TASOR2: variants seen among roughly 807,000 people sequenced by gnomAD.
The protein encoded by TASOR2 is transcription activation suppressor family member 2, also known as protein TASOR 2.
In TASOR2, 84 loss-of-function variants were observed where a neutral mutation model predicts 199.5. That is an observed-to-expected ratio of 0.42 (90% confidence interval 0.35 to 0.50). The LOEUF (loss-of-function observed/expected upper bound fraction) is 0.50. Among genes scored for constraint, TASOR2 ranks in the 20% least tolerant of loss-of-function variants. TASOR2 has a pLI of 0.02. For synonymous variants in TASOR2, 1,103 were observed against 1,046.6 expected (o/e 1.05, Z -1.04); for missense variants, 2,796 against 2,835.9 (o/e 0.99, Z 0.32).
At chr10:5,757,554 G>T in exon 17 of TASOR2, 1 of 1,611,232 alleles carries the variant, frequency 6.2e-7, no homozygotes, top group Middle Eastern at 1.7e-4. Flanking sequence ...CATTTCCCCA[G>T]TGTCATCTTT....
At chr10:5,728,610 A>C (rs1169620070) in intron 10 of TASOR2, among the ~76,000 whole-genome samples, 1 of 152,044 alleles carries the variant, frequency 6.6e-6, no homozygotes, top group Non-Finnish European at 1.5e-5. Context: ...ATTCTGTCTC[A>C]AAAAAATTAA....
intron 1 of TASOR2, among the ~76,000 whole-genome samples, chr10:5,694,286 C>G (rs1374522186): frequency 6.6e-6 from 1 of 152,074 alleles, no homozygotes; most frequent in Non-Finnish European, 1.5e-5. Flanking sequence ...GTTTTGTGTT[C>G]TGAGGGCAGT....
In TASOR2 at chr10:5,748,195, G is replaced by A; in HGVS notation, c.4774G>A (p.Val1592Ile). 13 of 1,614,190 alleles carry A rather than the reference G, an allele frequency of 8.1e-6. No homozygotes were observed. The highest frequency in any genetic ancestry group is 1.1e-5 in the Non-Finnish European group (13 of 1,180,040). Residue 1592 changes from valine (V) to isoleucine (I), a missense_variant, in exon 15 of 21, where the codon GTT becomes ATT. Transcript: ENST00000328090. The surrounding 1 kb of genome is among the most constrained non-coding windows in gnomAD (Gnocchi z 5.1). ...AAATAAGTCTTTGTCTGACACATTGGTTTCCACAACTGCACCAAGTGGTAT... is the reference window on the plus strand; with the variant it reads ...AAATAAGTCTTTGTCTGACACATTGATTTCCACAACTGCACCAAGTGGTAT...
rs188522083 is a variant in TASOR2 at position 5,751,586 on chromosome 10, G to A, written c.6606+1559G>A. ...TTTTGACAATTCGCCATAATTCTTC[G>A]GGCACTTCTTTACTTTGGGGTGTAA... On this transcript the variant is annotated intron_variant, in intron 15 of 20. Transcript: ENST00000328090. The surrounding 1 kb of genome is among the most constrained non-coding windows in gnomAD (Gnocchi z 5.3). 3.2e-3 allele frequency among the ~76,000 whole-genome samples: 487 copies of A among 152,166 alleles called. 2 individuals are homozygous for A. The highest frequency in any genetic ancestry group is 5.9e-3 in the Non-Finnish European group (400 of 68,008).
rs1201023575 is a variant in TASOR2, at chr10:5,750,999, C to T, written c.6606+972C>T. 2.0e-5 allele frequency among the ~76,000 whole-genome samples: 3 copies of T among 152,182 alleles called. No individual in the cohort carries two copies. The highest frequency in any genetic ancestry group is 7.2e-5 in the African/African-American group (3 of 41,432). ...GCCAGTTATTTGGTGGAATTTCCTT[C>T]CGTTTGTGTTCATGTGTTGTTTCTC... On this transcript the variant is annotated intron_variant, in intron 15 of 20. Transcript: ENST00000328090. This position sits in a 1 kb window ranked among gnomAD's most constrained non-coding sequence, Gnocchi z 5.4.
At chr10:5,693,811 GATA>G (rs1192647972) in intron 1 of TASOR2, among the ~76,000 whole-genome samples, 1 of 152,210 alleles carries the variant, frequency 6.6e-6, no homozygotes, top group African/African-American at 2.4e-5. Context: ...CCCATCCAAA[GATA>G]ACTTCATAGA....
chr10:5,736,182 A>G (rs1398190907), intron 12 of TASOR2, among the ~76,000 whole-genome samples: 3 of 152,048 alleles, frequency 2.0e-5, no homozygotes, highest in Non-Finnish European at 2.9e-5. Flanking sequence ...GCACTTTGTG[A>G]GGCCGAGGTG....
chr10:5,711,839 A>G (rs569054728), intron 1 of TASOR2, among the ~76,000 whole-genome samples: 26 of 152,130 alleles, frequency 1.7e-4, no homozygotes, highest in Non-Finnish European at 3.4e-4. Context: ...GTAAAACTCA[A>G]TAGACTCTTC....
At chr10:5,731,124 T>A in exon 11 of TASOR2, 1 of 1,612,936 alleles carries the variant, frequency 6.2e-7, no homozygotes, top group Non-Finnish European at 8.5e-7. Context: ...AAAGAACTGC[T>A]TCCAGAGCAG....
At chr10:5,726,008 A>T (rs1162123567) in intron 8 of TASOR2, among the ~76,000 whole-genome samples, 2 of 152,244 alleles carry the variant, frequency 1.3e-5, no homozygotes, top group Non-Finnish European at 2.9e-5. Context: ...CATTGTGATT[A>T]AATAATATAT....
exon 19 of TASOR2, chr10:5,761,434 T>C (rs1472092482): frequency 1.2e-6 from 2 of 1,613,362 alleles, no homozygotes. Context: ...ACCTGCAAAT[T>C]CAGCATATTG....
rs143599601 is a variant in TASOR2, at chr10:5,700,272, AT to A, written c.-287-12541del. ...GTGTTGCTGAAAATAGCAGGATTTT[AT>A]TTTTTTTTTATGGCTGAATAATATT... On this transcript the variant is annotated intron_variant, in intron 1 of 20. Coordinates refer to ENST00000328090, the Ensembl canonical transcript of TASOR2. Among the ~76,000 whole-genome samples the A allele has an allele frequency of 1.9e-3, 276 of 149,052 alleles. 1 individual carries two copies. Among genetic ancestry groups the A allele is most frequent in the African/African-American group, 5.4e-3 (220 of 40,748 alleles).
chr10:5,716,342 A>G (rs1020823313), intron 2 of TASOR2, among the ~76,000 whole-genome samples: 1 of 152,158 alleles, frequency 6.6e-6, no homozygotes, highest in Admixed American at 6.5e-5. Context: ...TACATGTACA[A>G]GTTTTTGGGT....
chr10:5,738,958 G>A lies in TASOR2; in HGVS notation c.1448-660G>A, dbSNP rs1187637333. ...TTGCTCTTTCTTGGATAATGTAAAA[G>A]GTCAATGTTTTTGGTAATGAAAGTA... On this transcript the variant is annotated intron_variant, in intron 12 of 20. Coordinates refer to ENST00000328090, the Ensembl canonical transcript of TASOR2. This position sits in a 1 kb window ranked among gnomAD's most constrained non-coding sequence, Gnocchi z 4.7. 1.3e-5 allele frequency among the ~76,000 whole-genome samples: 2 copies of A among 152,120 alleles called. No individual in the cohort carries two copies. The highest frequency in any genetic ancestry group is 2.9e-5 in the Non-Finnish European group (2 of 68,028).
intron 18 of TASOR2, among the ~76,000 whole-genome samples, chr10:5,760,204 G>C (rs548764435): frequency 1.3e-5 from 2 of 152,300 alleles, no homozygotes; most frequent in South Asian, 4.1e-4. Context: ...TGCAATGGTG[G>C]TATCTGTGTG....
At position 5,715,114 on chromosome 10, in the gene TASOR2, AAG is replaced by A. The variant is rs141060683; in HGVS notation, c.-192+2198_-192+2199del. ...GAAATAGAGTTTCACGGAAAGCAGA[AAG>A]ATCTCACGAAGAGGGGTATTTTTTA... On this transcript the variant is annotated intron_variant, in intron 2 of 20. Transcript: ENST00000328090. Among the ~76,000 whole-genome samples the A allele has an allele frequency of 6.1e-3, 923 of 152,298 alleles. 15 individuals carry two copies. The highest frequency in any genetic ancestry group is 0.044 in the South Asian group (212 of 4,820).
exon 21 of TASOR2, chr10:5,763,238 G>C (rs1840158645): frequency 6.3e-6 from 3 of 475,954 alleles, no homozygotes; most frequent in African/African-American, 6.0e-5. Flanking sequence ...TTGGGTTGCA[G>C]TGCTAGATAT....
chr10:5,746,368 G>A lies in TASOR2; in HGVS notation c.2947G>A (p.Gly983Arg), dbSNP rs369637025. 1.9e-6 allele frequency: 3 copies of A among 1,614,000 alleles called. No homozygotes were observed. In the African/African-American group the frequency reaches 4.0e-5, roughly 22 times the overall value. ...AGCCACATTCACCAGGACTTACGAT[G>A]GGCCTGGCAGTCAGCCAGTGATATG... Residue 983 changes from glycine (G) to arginine (R), a missense_variant, in exon 15 of 21, where the codon GGG (glycine) becomes AGG (arginine). Around this residue, in one of 3 missense-constraint regions of TASOR2, gnomAD observed 1,941 missense variants for 1,924.9 expected, o/e 1.01. Transcript: ENST00000328090.
intron 11 of TASOR2, among the ~76,000 whole-genome samples, chr10:5,732,762 C>G (rs2131597200): frequency 6.6e-6 from 1 of 152,262 alleles, no homozygotes; most frequent in South Asian, 2.1e-4. Flanking sequence ...GTTTCCCAAG[C>G]TAGACTTTGA....
Sources: allele counts gnomAD v4.1 joint callset (sites outside exome capture counted in the v4.1 genomes callset), GRCh38; gene constraint gnomAD v4.1.1; regional missense constraint gnomAD v4.1.1; non-coding constraint Gnocchi (gnomAD v3.1); transcripts MANE v1.5; gene names NCBI Gene and HGNC (gene_info 2026-07-23, HGNC 2026-07-21).